Variants in USH2A observed in about 807,000 individuals in gnomAD.
USH2A encodes Usher syndrome 2A (autosomal recessive, mild).
Under a neutral mutation model 538.9 loss-of-function variants are expected in USH2A, and 443 were observed. The ratio of observed to expected loss-of-function variants is 0.82; its 90% CI spans 0.76 to 0.89. USH2A has a LOEUF of 0.89. Ranked by LOEUF, USH2A falls within the 40% of genes least tolerant of loss-of-function variation. The pLI is 0.00. For missense variants in USH2A, 6,633 were observed against 6,324.8 expected, an observed-to-expected ratio of 1.05 and a Z score of -1.65; for synonymous variants, 2,413 against 2,273.5, an observed-to-expected ratio of 1.06 and a Z score of -1.75.
At chr1:215,968,709 C>T (rs555306619) in intron 36 of USH2A, among the ~76,000 whole-genome samples, 4 of 152,136 alleles carry the variant, frequency 2.6e-5, no homozygotes, top group African/African-American at 9.6e-5. Context: ...AAATTGAACT[C>T]TTTCAAAATT....
intron 38 of USH2A, among the ~76,000 whole-genome samples, chr1:215,917,907 G>A (rs1490825742): frequency 1.3e-5 from 2 of 151,818 alleles, no homozygotes; most frequent in African/African-American, 2.4e-5. Context: ...AGGCTGCAGT[G>A]AGCTGTGACT....
chr1:216,218,942 T>A (rs1263932135), intron 14 of USH2A, among the ~76,000 whole-genome samples: 2 of 152,004 alleles, frequency 1.3e-5, no homozygotes, highest in African/African-American at 4.8e-5. Context: ...AGGCTTTTAA[T>A]ATAATATTAG....
intron 49 of USH2A, among the ~76,000 whole-genome samples, chr1:215,813,451 A>T (rs992234156): frequency 2.0e-5 from 3 of 152,200 alleles, no homozygotes; most frequent in Non-Finnish European, 2.9e-5. Context: ...TCATGTTAAT[A>T]AAAAAAGCCA....
At chr1:215,987,270 G>A (rs1460236888) in intron 35 of USH2A, among the ~76,000 whole-genome samples, 8 of 149,882 alleles carry the variant, frequency 5.3e-5, no homozygotes, top group Non-Finnish European at 8.9e-5. Context: ...CTTTAATTAC[G>A]CAATTGCAAT....
intron 43 of USH2A, among the ~76,000 whole-genome samples, chr1:215,875,399 C>G (rs1471452876): frequency 6.6e-6 from 1 of 151,922 alleles, no homozygotes; most frequent in Non-Finnish European, 1.5e-5. Flanking sequence ...TGAAACTAGT[C>G]AAAATATCCC....
rs1315799329 is a variant in USH2A at position 215,680,206 on chromosome 1, A to T, written c.12237T>A (p.Asn4079Lys). The part of the protein sequence containing the change: ...LRNFIVEQKE[N>K]GRALLLQWSE... ...ACCACTGTAGTAGCAATGCCCGGCC[A>T]TTCTCTTTCTGTTCTACTATAAAGT... is the stretch of plus-strand genomic sequence containing the variant. The change falls in exon 62 of 72, where the codon AAT becomes AAA. Residue 4079 changes from asparagine (N) to lysine (K), a missense_variant. By Grantham distance (94) the Asn-to-Lys change is moderately conservative. Coordinates refer to ENST00000307340, the MANE Select transcript of USH2A (RefSeq NM_206933.4). 1 of 1,614,154 alleles carries T rather than the reference A, an allele frequency of 6.2e-7. No homozygotes were observed. Among genetic ancestry groups the T allele is most frequent in the African/African-American group, 1.3e-5 (1 of 75,046 alleles).
intron 44 of USH2A, among the ~76,000 whole-genome samples, chr1:215,850,786 T>C (rs772388863): frequency 6.6e-6 from 1 of 152,198 alleles, no homozygotes; most frequent in Non-Finnish European, 1.5e-5. Flanking sequence ...ATAGTCCATA[T>C]GATAAGCCAC....
At chr1:215,851,412 T>C (rs1331281278) in intron 44 of USH2A, among the ~76,000 whole-genome samples, 2 of 152,158 alleles carry the variant, frequency 1.3e-5, no homozygotes, top group African/African-American at 4.8e-5. Context: ...TCAAGGCTAC[T>C]GTGAACACCT....
At chr1:215,799,459 G>A (rs1662256044) in intron 49 of USH2A, among the ~76,000 whole-genome samples, 3 of 152,172 alleles carry the variant, frequency 2.0e-5, no homozygotes. Context: ...GGAACGTAGA[G>A]TGGATTCAAA....
intron 21 of USH2A, among the ~76,000 whole-genome samples, chr1:216,122,185 A>C (rs1229251596): frequency 6.6e-6 from 1 of 152,232 alleles, no homozygotes; most frequent in Non-Finnish European, 1.5e-5. Context: ...ATTTGGATCC[A>C]GACATTTTTA....
chr1:216,262,606 T>C (rs377009133), intron 11 of USH2A, among the ~76,000 whole-genome samples: 2 of 152,148 alleles, frequency 1.3e-5, no homozygotes, highest in East Asian at 3.9e-4. Flanking sequence ...CAGCTATTCA[T>C]ACTGTGGGAG....
At chr1:216,260,337 T>C (rs533681234) in intron 11 of USH2A, among the ~76,000 whole-genome samples, 7 of 152,280 alleles carry the variant, frequency 4.6e-5, no homozygotes, top group African/African-American at 1.4e-4. Flanking sequence ...ATTTTTCCTA[T>C]AGAATCTTTG....
chr1:215,729,815 T>C (rs2102715184), intron 60 of USH2A, among the ~76,000 whole-genome samples: 1 of 152,268 alleles, frequency 6.6e-6, no homozygotes, highest in Middle Eastern at 3.4e-3. Flanking sequence ...AATTTTTTTG[T>C]AGAGATGAGG....
chr1:216,087,766 C>A (rs1172256100), intron 23 of USH2A, among the ~76,000 whole-genome samples: 1 of 152,130 alleles, frequency 6.6e-6, no homozygotes, highest in Non-Finnish European at 1.5e-5. Context: ...CTTATTATAT[C>A]TTCAATTATC....
At chr1:216,284,190 T>C (rs1558363555) in intron 11 of USH2A, among the ~76,000 whole-genome samples, 1 of 152,140 alleles carries the variant, frequency 6.6e-6, no homozygotes, top group Non-Finnish European at 1.5e-5. Flanking sequence ...AAATCTGAGA[T>C]AGTTTTACTG....
At chr1:215,889,622 G>A (rs570664777) in intron 40 of USH2A, among the ~76,000 whole-genome samples, 46 of 152,208 alleles carry the variant, frequency 3.0e-4, no homozygotes, top group African/African-American at 1.1e-3. Context: ...TGTGACAGAA[G>A]CTGCCGATTT....
intron 3 of USH2A, among the ~76,000 whole-genome samples, chr1:216,377,190 T>C (rs1465412795): frequency 6.6e-6 from 1 of 152,226 alleles, no homozygotes; most frequent in East Asian, 1.9e-4. Context: ...GAAATATGAT[T>C]TGAATTGTTT....
intron 9 of USH2A, among the ~76,000 whole-genome samples, chr1:216,302,021 A>G (rs1378853701): frequency 6.6e-6 from 1 of 152,216 alleles, no homozygotes; most frequent in Non-Finnish European, 1.5e-5. Context: ...TTATAAACAT[A>G]AAAACTTTAG....
intron 4 of USH2A, among the ~76,000 whole-genome samples, chr1:216,354,799 C>T (rs983651242): frequency 6.6e-6 from 1 of 150,754 alleles, no homozygotes; most frequent in African/African-American, 2.4e-5. Flanking sequence ...AGTCTTATTA[C>T]AGAAGAAAGA....
Sources: gnomAD v4.1 joint callset for allele counts (sites outside exome capture counted in the v4.1 genomes callset) on GRCh38, gnomAD v4.1.1 for gene constraint, MANE v1.5 for transcripts, NCBI Gene and HGNC (gene_info 2026-07-23, HGNC 2026-07-21) for gene names.